Variants in DDR1 observed in about 807,000 individuals in gnomAD.
DDR1 encodes the protein discoidin domain receptor tyrosine kinase 1.
DDR1 carries 64 observed loss-of-function variants against 97.4 expected under a neutral mutation model. The ratio of observed to expected loss-of-function variants is 0.66; its 90% confidence interval spans 0.54 to 0.81. DDR1 has a LOEUF of 0.81. DDR1 is among the 30% of genes least tolerant of loss of function. The probability of loss-of-function intolerance (pLI) is 0.00; values close to 1 mark genes in which losing one functional copy is unlikely to be tolerated. For missense variants in DDR1, 990 were observed against 1,259.6 expected (o/e 0.79, Z 3.24); for synonymous variants, 458 against 503.7 (o/e 0.91, Z 1.21).
In DDR1 at chr6:30,888,663, GCACCA is replaced by G. The variant is rs777042882; in HGVS notation, c.-42-23_-42-19del. The G allele has an allele frequency of 6.3e-7, 1 of 1,595,230 alleles. No individual in the cohort carries two copies. The highest frequency in any genetic ancestry group is 8.5e-7 in the Non-Finnish European group (1 of 1,171,148). ...TGACTCAGTCCCCTGATTAACTTAC[GCACCA>G]CCCATTTTATCCCCTGCAGAGATGC... On this transcript the variant is annotated intron_variant, in intron 1 of 17. Transcript: ENST00000376568. This position sits in a 1 kb window ranked among gnomAD's most constrained non-coding sequence, Gnocchi z 4.2.
chr6:30,893,355 A>T lies in DDR1; in HGVS notation c.1279A>T (p.Ile427Phe). The T allele has an allele frequency of 1.9e-6, 3 of 1,608,232 alleles. No individual in the cohort carries two copies. The highest frequency in any genetic ancestry group is 2.5e-6 in the Non-Finnish European group (3 of 1,179,806). ...AILIGCLVAIILLLLLIIALM... is the reference protein window; with the variant it reads ...AILIGCLVAIFLLLLLIIALM... ...CCTCATCGGCTGCCTGGTGGCCATC[A>T]TCCTGCTCCTGCTGCTCATCATTGC... Residue 427 changes from isoleucine to phenylalanine, a missense_variant, in exon 10 of 18, where the codon ATC (isoleucine) becomes TTC (phenylalanine). Coordinates refer to ENST00000376568, the MANE Select transcript of DDR1 (RefSeq NM_001297654.2).
intron 10 of DDR1, 151 bp downstream of exon 10, chr6:30,893,574 G>C (rs1789489414): frequency 7.1e-7 from 1 of 1,418,160 alleles, no homozygotes; most frequent in Admixed American, 2.8e-5. Flanking sequence ...AGAGGGTATG[G>C]GGCTCACAGG....
rs759342778 is a variant in DDR1, at chr6:30,889,247, G to A, written c.234G>A (p.Ser78=). 8.7e-6 allele frequency: 14 copies of A among 1,612,962 alleles called. No homozygotes were observed. In the South Asian group the frequency reaches 1.2e-4, roughly 14 times the overall value. The change falls in exon 4 of 18, where the codon TCG becomes TCA. Residue 78 remains serine, a synonymous_variant. Coordinates refer to ENST00000376568, the MANE Select transcript of DDR1 (RefSeq NM_001297654.2). This position sits in a 1 kb window ranked among gnomAD's most constrained non-coding sequence, Gnocchi z 4.9. ...ATGGGGCCTGGTGCCCCGCAGGGTC[G>A]GTGTTTCCCAAGGAGGAGGAGTACT... ...DGDGAWCPAG[S]VFPKEEEYLQ...
In DDR1 at chr6:30,893,078, C is replaced by T; in HGVS notation, c.1110C>T (p.Asn370=). The T allele has an allele frequency of 3.7e-6, 6 of 1,612,452 alleles. No individual in the cohort carries two copies. Among genetic ancestry groups the T allele is most frequent in the Non-Finnish European group, 5.1e-6 (6 of 1,179,740 alleles). The change falls in exon 9 of 18, where the codon AAC becomes AAT. Residue 370 remains asparagine, a synonymous_variant. Transcript: ENST00000376568. Reference sequence around the variant, plus strand: ...GTTCCTTCTCCCCAGATGTGGTGAACAATTCCTCTCCGGCACTGGGAGGCA... The same window carrying T: ...GTTCCTTCTCCCCAGATGTGGTGAATAATTCCTCTCCGGCACTGGGAGGCA... ...SEISFISDVV[N]NSSPALGGTF...
In DDR1 at chr6:30,892,145, T is replaced by G; in HGVS notation, c.809T>G (p.Met270Arg). The change falls in exon 7 of 18, where the codon ATG (methionine) becomes AGG (arginine). Residue 270 changes from methionine (M) to arginine (R), a missense_variant. Met to Arg is a moderately conservative substitution (Grantham distance 91, BLOSUM62 -1). Transcript: ENST00000376568. ...AGCTTCTCCAGTGGCTATGTGGAGA[T>G]GGAGTTTGAGTTTGACCGGCTGAGG... ...NHSFSSGYVE[M>R]EFEFDRLRAF... 1 of 1,614,092 alleles carries G rather than the reference T, an allele frequency of 6.2e-7. No individual in the cohort carries two copies. Among genetic ancestry groups the G allele is most frequent in the East Asian group, 2.2e-5 (1 of 44,884 alleles).
rs960334684 is a variant in DDR1 at position 30,893,174 on chromosome 6, T to C, written c.1195+11T>C. 1.8e-5 allele frequency: 29 copies of C among 1,605,432 alleles called. No homozygotes were observed. The highest frequency in any genetic ancestry group is 2.4e-5 in the Non-Finnish European group (28 of 1,178,762). On this transcript the variant is annotated intron_variant, in intron 9 of 17. Coordinates refer to ENST00000376568, the MANE Select transcript of DDR1 (RefSeq NM_001297654.2). The stretch of plus-strand genomic sequence containing the variant: ...ACTTCAGCAGCTTGGGTGAGCAATC[T>C]TGGGTGGGCGTGTGGACCCTCTGCA...
intron 1 of DDR1, chr6:30,885,296 C>T: frequency 6.6e-7 from 1 of 1,519,888 alleles, no homozygotes. Flanking sequence ...TTCTTCCCAG[C>T]GCTTCCAGCA....
chr6:30,885,262 C>A (rs1237933714), intron 1 of DDR1: 8 of 1,531,698 alleles, frequency 5.2e-6, no homozygotes, highest in Middle Eastern at 1.7e-4. Context: ...CCCACCCCCC[C>A]ATGCCTGGCT....
intron 1 of DDR1, chr6:30,885,535 G>C: frequency 7.4e-7 from 1 of 1,351,350 alleles, no homozygotes. Context: ...CAGTTCTCTG[G>C]GGATCCTGTG....
chr6:30,893,010 C>T, intron 8 of DDR1, 58 bp from the exon 9 acceptor site: 1 of 1,456,254 alleles, frequency 6.9e-7, no homozygotes, highest in Non-Finnish European at 9.5e-7. Flanking sequence ...CTGCCTCTGC[C>T]TCCCTTGGGT....
At position 30,889,210 on chromosome 6, in the gene DDR1, G is replaced by A. The variant is rs1471491450; in HGVS notation, c.197G>A (p.Ser66Asn). ...STAARHSRLE[S>N]SDGDGAWCPA... ...CCCCTCTTCACCCTCAGGTTGGAGA[G>A]CAGTGACGGGGATGGGGCCTGGTGC... The change falls in exon 4 of 18, where the codon AGC (serine) becomes AAC (asparagine). Residue 66 changes from serine to asparagine, a missense_variant. Physicochemically the swap from Ser to Asn is conservative, Grantham distance 46 (BLOSUM62 1). Coordinates refer to ENST00000376568, the MANE Select transcript of DDR1 (RefSeq NM_001297654.2). This position sits in a 1 kb window ranked among gnomAD's most constrained non-coding sequence, Gnocchi z 4.9. 2 of 1,612,968 alleles carry A rather than the reference G, an allele frequency of 1.2e-6. No individual in the cohort carries two copies. The highest frequency in any genetic ancestry group is 1.7e-6 in the Non-Finnish European group (2 of 1,180,044).
rs1788163870 is a variant in DDR1, at chr6:30,891,428, C to T, written c.614C>T (p.Ser205Phe). The change falls in exon 6 of 18, where the codon TCT (serine) becomes TTT (phenylalanine). Residue 205 changes from serine (S) to phenylalanine (F), a missense_variant. Ser to Phe is a radical substitution (Grantham distance 155). Coordinates refer to ENST00000376568, the MANE Select transcript of DDR1 (RefSeq NM_001297654.2). The surrounding 1 kb of genome is among the most constrained non-coding windows in gnomAD (Gnocchi z 5.3). ...CCTGTGGGGCAGACAATGTATTTAT[C>T]TGAGGCCGTGTACCTCAACGACTCC... is the stretch of plus-strand genomic sequence containing the variant. Reference protein sequence around the residue: ...TAPVGQTMYLSEAVYLNDSTY... With the variant: ...TAPVGQTMYLFEAVYLNDSTY... 2 of 1,612,882 alleles carry T rather than the reference C, an allele frequency of 1.2e-6. No individual in the cohort carries two copies. The highest frequency in any genetic ancestry group is 1.7e-6 in the Non-Finnish European group (2 of 1,180,014).
chr6:30,893,554 A>G (rs1789482514), intron 10 of DDR1, 131 bp downstream of exon 10: 2 of 1,443,810 alleles, frequency 1.4e-6, no homozygotes, highest in East Asian at 5.0e-5. Context: ...GACCACTTAC[A>G]CCATGTCAAA....
At chr6:30,885,006 G>GAGGTGCTC (rs1441238064) in intron 1 of DDR1, 6 of 532,058 alleles carry the variant, frequency 1.1e-5, no homozygotes, top group African/African-American at 1.9e-5. Context: ...GCCCCGGGAG[G>GAGGTGCTC]AGGTGCTCCT....
chr6:30,897,454 T>C lies in DDR1; in HGVS notation c.2073T>C (p.Cys691=), dbSNP rs904414613. Residue 691 remains cysteine, a synonymous_variant, in exon 15 of 18, where the codon TGT becomes TGC. Transcript: ENST00000376568. This position sits in a 1 kb window ranked among gnomAD's most constrained non-coding sequence, Gnocchi z 5.2. ...ACATCATTCGGCTGCTGGGCGTGTG[T>C]GTGCAGGACGACCCCCTCTGCATGA... The part of the protein sequence containing the change: ...DPNIIRLLGV[C]VQDDPLCMIT... 1.9e-6 allele frequency: 3 copies of C among 1,613,934 alleles called. No homozygotes were observed. In the Admixed American group the frequency reaches 5.0e-5, roughly 27 times the overall value.
intron 11 of DDR1, among the ~76,000 whole-genome samples, 172 bp from the exon 12 acceptor site, chr6:30,895,232 C>T (rs1412788662): frequency 6.6e-6 from 1 of 152,180 alleles, no homozygotes; most frequent in African/African-American, 2.4e-5. Context: ...TCTGTCCATG[C>T]ATTCATTATC....
At position 30,896,610 on chromosome 6, in the gene DDR1, C is replaced by T. The variant is rs369280868; in HGVS notation, c.1625-11C>T. ...TGCCTCGTCCTGTCTTCTTTCCCCTCACCCCTGCAGCCTACAGTGGGGACT... is the reference window on the plus strand; with the variant it reads ...TGCCTCGTCCTGTCTTCTTTCCCCTTACCCCTGCAGCCTACAGTGGGGACT... On this transcript the variant is annotated splice_polypyrimidine_tract_variant and intron_variant, in intron 12 of 17. Coordinates refer to ENST00000376568, the MANE Select transcript of DDR1 (RefSeq NM_001297654.2). 120 of 1,609,420 alleles carry T rather than the reference C, an allele frequency of 7.5e-5. No homozygotes were observed. Among genetic ancestry groups the T allele is most frequent in the Non-Finnish European group, 9.8e-5 (115 of 1,178,148 alleles).
At chr6:30,885,952 G>A in intron 1 of DDR1, 3 of 555,916 alleles carry the variant, frequency 5.4e-6, no homozygotes, top group Non-Finnish European at 9.2e-6. Flanking sequence ...TTGTAATGGA[G>A]TGGAAGGGGG....
chr6:30,885,516 G>A, intron 1 of DDR1: 2 of 1,253,748 alleles, frequency 1.6e-6, no homozygotes, highest in South Asian at 1.6e-5. Context: ...TGTGTTAGAG[G>A]CTGGGCCCCA....
Sources: allele counts gnomAD v4.1 joint callset (sites outside exome capture counted in the v4.1 genomes callset), GRCh38; gene constraint gnomAD v4.1.1; non-coding constraint Gnocchi (gnomAD v3.1); transcripts MANE v1.5; gene names NCBI Gene and HGNC (gene_info 2026-07-23, HGNC 2026-07-21).